The following HDX variants were observed in gnomAD, a reference collection of about 807,000 sequenced individuals.
The protein encoded by HDX is chromosome X open reading frame 43.
Under a neutral mutation model 45.2 loss-of-function variants are expected in HDX, and 19 were observed. The ratio of observed to expected loss-of-function variants is 0.42; its 90% CI spans 0.29 to 0.62. The LOEUF is 0.62. Ranked by LOEUF, HDX falls within the 20% of genes least tolerant of loss-of-function variation. HDX has a pLI of 0.20. For missense variants in HDX, 532 were observed against 493.9 expected, an observed-to-expected ratio of 1.08 and a Z score of -0.73; for synonymous variants, 188 against 172.8, an observed-to-expected ratio of 1.09 and a Z score of -0.69.
chrX:84,441,853 T>G (rs143189602), intron 4 of HDX, among the ~76,000 whole-genome samples: 1,622 of 111,462 alleles, frequency 0.015, 26 homozygotes, highest in African/African-American at 0.051. Flanking sequence ...CAATACATTC[T>G]CATTTACCTA....
chrX:84,348,624 G>A lies in HDX; in HGVS notation c.1453-4167C>T, dbSNP rs181218720. On this transcript the variant is annotated intron_variant, in intron 6 of 10. Transcript: ENST00000373177. Reference sequence around the variant, plus strand: ...GAACTAAAAGAACTAGGCATTTGGCGATGTAGTGTTCAGGTTAGGAGGAAG... The same window carrying A: ...GAACTAAAAGAACTAGGCATTTGGCAATGTAGTGTTCAGGTTAGGAGGAAG... Among the ~76,000 whole-genome samples, 890 of 111,646 alleles carry A rather than the reference G, an allele frequency of 8.0e-3. 3 individuals carry two copies. The highest frequency in any genetic ancestry group is 0.028 in the Middle Eastern group (6 of 213).
chrX:84,336,682 T>G, intron 8 of HDX, 119 bp downstream of exon 8: 2 of 484,424 alleles, frequency 4.1e-6, no homozygotes, highest in Non-Finnish European at 6.9e-6. Context: ...GAAAGAGGTC[T>G]GTTTTGGTTT....
intron 5 of HDX, among the ~76,000 whole-genome samples, chrX:84,400,612 AAAATG>A (rs2038678235): frequency 9.0e-6 from 1 of 111,209 alleles, no homozygotes; most frequent in African/African-American, 3.3e-5. Context: ...CAATATTGTG[AAAATG>A]ACCATTCTAC....
Position 84,344,296 on chromosome X carries a change from G to C in HDX, c.1614C>G (p.Asp538Glu). The C allele has an allele frequency of 8.3e-7, 1 of 1,208,288 alleles. No individual in the cohort carries two copies. The change falls in exon 7 of 11, where the codon GAC (aspartate) becomes GAG (glutamate). Residue 538 changes from aspartate (D) to glutamate (E), a missense_variant. By Grantham distance (45) the Asp-to-Glu change is conservative. Around this residue, in one of 3 missense-constraint regions of HDX, gnomAD observed 151 missense variants for 131.8 expected, o/e 1.15. Coordinates refer to ENST00000373177, the MANE Select transcript of HDX (RefSeq NM_001177479.2). ...AACAGATGGATACTTCATCATTTCT[G>C]TCATTATCCTCTCCTACTTCAGGCC... ...EAGPEVGEDN[D>E]RNDEVSICLS...
rs1231656433 is a variant in HDX, at chrX:84,320,115, A to C, written c.*1774T>G. The C allele has an allele frequency of 9.0e-6, 1 of 111,238 alleles. No homozygotes were observed. The highest frequency in any genetic ancestry group is 2.8e-4 in the East Asian group (1 of 3,532). 9.2% of individuals were successfully genotyped at this position (111,238 alleles called of 1,213,427 possible). A position where few individuals can be genotyped will look rare whatever the true frequency, so the allele number is the denominator to read the frequency against. ...AATAAGTGGTTTCTAACTTCGTTGT[A>C]TATGGGGGCGACTCTTCATCTCATG... On this transcript the variant is annotated 3_prime_UTR_variant, in exon 11 of 11. Transcript: ENST00000373177.
intron 5 of HDX, among the ~76,000 whole-genome samples, chrX:84,363,746 A>G (rs1339507358): frequency 8.9e-6 from 1 of 112,448 alleles, no homozygotes; most frequent in African/African-American, 3.2e-5. Flanking sequence ...AAAAAAGTGA[A>G]CATTTAAAAG....
chrX:84,370,303 C>T (rs2037862042), intron 5 of HDX, among the ~76,000 whole-genome samples: 1 of 111,550 alleles, frequency 9.0e-6, no homozygotes, highest in Non-Finnish European at 1.9e-5. Flanking sequence ...TACTACATAT[C>T]ATCTTTCCTT....
chrX:84,345,861 G>A (rs1332863676), intron 6 of HDX, among the ~76,000 whole-genome samples: 1 of 110,952 alleles, frequency 9.0e-6, no homozygotes, highest in African/African-American at 3.3e-5. Context: ...AGCTCAACAA[G>A]TTCTTAATGT....
chrX:84,421,812 A>G (rs1035652830), intron 5 of HDX, among the ~76,000 whole-genome samples: 2 of 111,421 alleles, frequency 1.8e-5, no homozygotes, highest in Non-Finnish European at 3.8e-5. Context: ...AAGTATAAAA[A>G]GAGACAAAGA....
intron 5 of HDX, among the ~76,000 whole-genome samples, chrX:84,395,284 T>G (rs944940880): frequency 9.0e-6 from 1 of 111,183 alleles, no homozygotes; most frequent in South Asian, 3.8e-4. Context: ...TCAGCTTTTA[T>G]TTGTCTGGAA....
Position 84,468,629 on chromosome X carries a change from A to G in HDX, c.1094T>C (p.Leu365Pro), listed in dbSNP as rs1255019616. 5.0e-6 allele frequency: 6 copies of G among 1,207,915 alleles called. No homozygotes were observed. Among genetic ancestry groups the G allele is most frequent in the Non-Finnish European group, 6.7e-6 (6 of 891,939 alleles). The change falls in exon 4 of 11, where the codon CTG (leucine) becomes CCG (proline). Residue 365 changes from leucine (L) to proline (P), a missense_variant. This residue lies in a region of HDX where 376 missense variants were observed against 343.7 expected (regional missense o/e 1.09). Coordinates refer to ENST00000373177, the MANE Select transcript of HDX (RefSeq NM_001177479.2). Reference sequence around the variant, plus strand: ...CAAATGGTAGTTTCTGTTTTGATACAGTACATTGTCTGACATATCTCTAAT... The same window carrying G: ...CAAATGGTAGTTTCTGTTTTGATACGGTACATTGTCTGACATATCTCTAAT... Reference protein sequence around the residue: ...VNIRDMSDNVLYQNRNYHLTP... With the variant: ...VNIRDMSDNVPYQNRNYHLTP...
chrX:84,331,157 C>G (rs751181049), intron 9 of HDX, among the ~76,000 whole-genome samples: 1 of 111,306 alleles, frequency 9.0e-6, no homozygotes, highest in Non-Finnish European at 1.9e-5. Flanking sequence ...ACTCTTGCCT[C>G]AGGTACTGAG....
At chrX:84,371,297 C>T (rs1488089701) in intron 5 of HDX, among the ~76,000 whole-genome samples, 1 of 111,739 alleles carries the variant, frequency 8.9e-6, no homozygotes, top group Non-Finnish European at 1.9e-5. Flanking sequence ...CAGAGGATTG[C>T]TAAAAAAGAT....
intron 1 of HDX, among the ~76,000 whole-genome samples, chrX:84,500,521 C>A (rs1419485366): frequency 9.1e-6 from 1 of 109,915 alleles, no homozygotes; most frequent in Non-Finnish European, 1.9e-5. Flanking sequence ...AAGCAGCCTA[C>A]AAGCAACTAA....
rs2037156227 is a variant in HDX, at chrX:84,344,496, A to C, written c.1453-39T>G. 16 of 988,791 alleles carry C rather than the reference A, an allele frequency of 1.6e-5. No individual in the cohort carries two copies. The East Asian group carries it at 4.9e-4, about 30-fold the overall frequency. The allele number at this position is 988,791 out of a possible 1,213,427, so 81.5% of individuals were successfully genotyped here. ...ATATAGGAGGAATTTTTGTAAACAT[A>C]GAAAACTTAGCAGTTCTAGCCAGTA... On this transcript the variant is annotated intron_variant, in intron 6 of 10. Transcript: ENST00000373177.
intron 5 of HDX, among the ~76,000 whole-genome samples, chrX:84,398,056 A>C (rs891754873): frequency 2.7e-5 from 3 of 109,877 alleles, no homozygotes; most frequent in African/African-American, 1.0e-4. Context: ...AAGGAAGAGC[A>C]GTGTGGTGCG....
rs138435014 is a variant in HDX, at chrX:84,326,488, A to G, written c.1825-188T>C. The stretch of plus-strand genomic sequence containing the variant: ...TTAGTCACAGGATGCCTTTTAAGCA[A>G]ATCACTAATAGAAAACAATTTATAA... On this transcript the variant is annotated intron_variant, in intron 9 of 10. Transcript: ENST00000373177. 5.0e-3 allele frequency among the ~76,000 whole-genome samples: 561 copies of G among 111,751 alleles called. 3 individuals are homozygous for G. Among genetic ancestry groups the G allele is most frequent in the Non-Finnish European group, 8.8e-3 (470 of 53,141 alleles).
intron 5 of HDX, among the ~76,000 whole-genome samples, chrX:84,363,053 A>G (rs1422665502): frequency 8.9e-6 from 1 of 111,816 alleles, no homozygotes; most frequent in Non-Finnish European, 1.9e-5. Context: ...GTGTGTGCGA[A>G]TAAATTTCAT....
intron 4 of HDX, among the ~76,000 whole-genome samples, chrX:84,449,009 G>A (rs1278673741): frequency 1.9e-5 from 2 of 107,831 alleles, no homozygotes; most frequent in Admixed American, 1.0e-4. Context: ...AAAAATTCAT[G>A]GAATCAAATA....
Sources: gnomAD v4.1 joint callset for allele counts (sites outside exome capture counted in the v4.1 genomes callset) on GRCh38, gnomAD v4.1.1 for gene constraint, gnomAD v4.1.1 regional missense constraint, MANE v1.5 for transcripts, NCBI Gene and HGNC (gene_info 2026-07-23, HGNC 2026-07-21) for gene names.